Variants in CIMAP2 observed in about 807,000 individuals in gnomAD.
The protein encoded by CIMAP2 is ciliary microtubule-associated protein 2.
the CIMAP2 span, among the ~76,000 whole-genome samples, chr1:54,810,256 T>C: frequency 6.6e-6 from 1 of 152,196 alleles, no homozygotes; most frequent in Non-Finnish European, 1.5e-5. Context: ...TTGTGGATTT[T>C]GGAGTTGAAA....
the CIMAP2 span, among the ~76,000 whole-genome samples, chr1:54,806,527 A>G: frequency 6.6e-6 from 1 of 152,124 alleles, no homozygotes; most frequent in African/African-American, 2.4e-5. Context: ...ATAGTAGGCC[A>G]CTCAGCTCAA....
At chr1:54,841,470 T>A in the CIMAP2 span, 2 of 1,327,852 alleles carry the variant, frequency 1.5e-6, no homozygotes, top group South Asian at 1.5e-5. Flanking sequence ...GTAAGTTCCC[T>A]CCTCTCTCTG....
At chr1:54,835,419 C>A in the CIMAP2 span, among the ~76,000 whole-genome samples, 1 of 152,024 alleles carries the variant, frequency 6.6e-6, no homozygotes, top group South Asian at 2.1e-4. Flanking sequence ...AAACTCCTGG[C>A]CTCAAGTGAT....
chr1:54,811,697 C>T, the CIMAP2 span: 8 of 1,409,230 alleles, frequency 5.7e-6, no homozygotes, highest in Non-Finnish European at 6.9e-6. Context: ...ATCCCATTCC[C>T]TTCTTGGGGA....
the CIMAP2 span, chr1:54,812,300 T>C: frequency 7.0e-7 from 1 of 1,437,096 alleles, no homozygotes; most frequent in Non-Finnish European, 9.5e-7. Flanking sequence ...ACCGGGCCTT[T>C]CCCACACCCC....
At chr1:54,811,799 C>G in the CIMAP2 span, 1 of 1,581,996 alleles carries the variant, frequency 6.3e-7, no homozygotes, top group Non-Finnish European at 8.6e-7. Context: ...CACAGAACTA[C>G]TATCCAGGCC....
At chr1:54,811,831 G>A in the CIMAP2 span, 9 of 1,594,490 alleles carry the variant, frequency 5.6e-6, no homozygotes, top group Admixed American at 1.5e-4. Flanking sequence ...GGGGAGAAGG[G>A]TAACCCATAC....
chr1:54,807,832 T>C, the CIMAP2 span: 1 of 1,526,188 alleles, frequency 6.6e-7, no homozygotes, highest in Non-Finnish European at 8.8e-7. Context: ...TTGGGCTTCT[T>C]CCTGCGTGGA....
At chr1:54,836,306 TGCCTGCCTGCCTGCCTGCCTGCC>T in the CIMAP2 span, among the ~76,000 whole-genome samples, 3 of 292 alleles carry the variant, frequency 0.01, no homozygotes, top group South Asian at 0.11. Flanking sequence ...CCTGCCTGCC[TGCCTGCCTGCCTGCCTGCCTGCC>T]TTCCCTGTGT....
At chr1:54,840,865 CGT>C in the CIMAP2 span, among the ~76,000 whole-genome samples, 1 of 152,156 alleles carries the variant, frequency 6.6e-6, no homozygotes, top group African/African-American at 2.4e-5. Flanking sequence ...TTATCAGATA[CGT>C]GTTTTGCAAA....
At chr1:54,819,178 G>C in the CIMAP2 span, among the ~76,000 whole-genome samples, 4 of 152,158 alleles carry the variant, frequency 2.6e-5, no homozygotes, top group South Asian at 2.1e-4. Flanking sequence ...TGTCCTGGGT[G>C]GGGGTAAGTG....
chr1:54,838,345 C>T, the CIMAP2 span, among the ~76,000 whole-genome samples: 15 of 151,718 alleles, frequency 9.9e-5, 1 homozygote, highest in African/African-American at 2.9e-4. Context: ...TAGCCGGGTG[C>T]GGTGGTGGGT....
At chr1:54,815,052 G>A in the CIMAP2 span, 3 of 1,613,808 alleles carry the variant, frequency 1.9e-6, no homozygotes, top group African/African-American at 2.7e-5. Flanking sequence ...AAGTGGGTCT[G>A]GGGTGAGGGA....
At chr1:54,819,820 CTTTCTCTT>C in the CIMAP2 span, among the ~76,000 whole-genome samples, 1 of 88,604 alleles carries the variant, frequency 1.1e-5, no homozygotes, top group East Asian at 3.7e-4. Flanking sequence ...CTTTTTCTTT[CTTTCTCTT>C]TCTTTCTTTC....
At chr1:54,811,765 G>GCGGGGGGGGGGGGGGCCCCCCCCC in the CIMAP2 span, 5 of 1,301,326 alleles carry the variant, frequency 3.8e-6, no homozygotes, top group Non-Finnish European at 3.3e-6. Context: ...GGTTCTGACA[G>GCGGGGGGGGGGGGGGCCCCCCCCC]CCTCCATGCC....
At chr1:54,826,977 A>C in the CIMAP2 span, among the ~76,000 whole-genome samples, 29 of 152,318 alleles carry the variant, frequency 1.9e-4, no homozygotes, top group Admixed American at 1.5e-3. Flanking sequence ...AAATTCCTTT[A>C]TACTTTTAGT....
chr1:54,840,989 C>T, the CIMAP2 span, among the ~76,000 whole-genome samples: 1 of 152,054 alleles, frequency 6.6e-6, no homozygotes, highest in Non-Finnish European at 1.5e-5. Context: ...GAGGCTGCCT[C>T]AATAGTAGAA....
At chr1:54,833,467 G>A in the CIMAP2 span, among the ~76,000 whole-genome samples, 48 of 152,266 alleles carry the variant, frequency 3.2e-4, no homozygotes, top group South Asian at 9.3e-3. Flanking sequence ...TGGAATGTGC[G>A]GCTACAGCTA....
the CIMAP2 span, among the ~76,000 whole-genome samples, chr1:54,834,401 T>A: frequency 6.6e-6 from 1 of 152,248 alleles, no homozygotes; most frequent in African/African-American, 2.4e-5. Flanking sequence ...AAGGAACTCA[T>A]GAGAAACTTC....
Sources: gnomAD v4.1 joint callset for allele counts (sites outside exome capture counted in the v4.1 genomes callset) on GRCh38, gnomAD v4.1.1 for gene constraint, MANE v1.5 for transcripts, NCBI Gene and HGNC (gene_info 2026-07-23, HGNC 2026-07-21) for gene names.